Variants in LRP6 observed in about 807,000 individuals in gnomAD.
The protein encoded by LRP6 is low-density lipoprotein receptor-related protein 6.
Under a neutral mutation model 184.1 loss-of-function variants are expected in LRP6, and 43 were observed. The observed-to-expected ratio is 0.23, with a 90% confidence interval of 0.18 to 0.30. The LOEUF (loss-of-function observed/expected upper bound fraction) is 0.30, where lower values mean the gene tolerates loss of function less well. Ranked by LOEUF, LRP6 falls within the 10% of genes least tolerant of loss-of-function variation. The pLI is 1.00. For synonymous variants in LRP6, 719 were observed against 684.9 expected (o/e 1.05, Z -0.78); for missense variants, 1,571 against 2,005.3 (o/e 0.78, Z 4.14).
chr12:12,171,066 C>G (rs988304281), intron 7 of LRP6, among the ~76,000 whole-genome samples: 6 of 152,100 alleles, frequency 3.9e-5, no homozygotes, highest in African/African-American at 1.5e-4. Flanking sequence ...CAGCCATGTA[C>G]TAACAATGGT....
chr12:12,139,250 T>C (rs965984457), intron 15 of LRP6, among the ~76,000 whole-genome samples: 2 of 152,202 alleles, frequency 1.3e-5, no homozygotes, highest in African/African-American at 4.8e-5. Flanking sequence ...AGCTGATATT[T>C]TGGAAGTATC....
At chr12:12,170,796 C>T in intron 7 of LRP6, among the ~76,000 whole-genome samples, 1 of 69,060 alleles carries the variant, frequency 1.4e-5, no homozygotes, top group Admixed American at 1.5e-4. Context: ...TTACTTCACA[C>T]ACACACACAC....
At chr12:12,213,054 C>G (rs939028761) in intron 2 of LRP6, among the ~76,000 whole-genome samples, 2 of 152,136 alleles carry the variant, frequency 1.3e-5, no homozygotes, top group Non-Finnish European at 2.9e-5. Flanking sequence ...TGGGAAGAAA[C>G]TGGTTTCATC....
chr12:12,207,554 T>A (rs965721321), intron 2 of LRP6, among the ~76,000 whole-genome samples: 1 of 151,894 alleles, frequency 6.6e-6, no homozygotes, highest in Non-Finnish European at 1.5e-5. Context: ...TAATAACGCT[T>A]TCAGTGGCAG....
intron 7 of LRP6, among the ~76,000 whole-genome samples, chr12:12,169,111 C>T (rs927864655): frequency 1.3e-5 from 2 of 151,932 alleles, no homozygotes; most frequent in Non-Finnish European, 2.9e-5. Context: ...CGCCTGTAAT[C>T]CCAGCTACTT....
intron 22 of LRP6, among the ~76,000 whole-genome samples, chr12:12,123,731 A>C (rs1245892872): frequency 6.6e-6 from 1 of 152,224 alleles, no homozygotes; most frequent in Non-Finnish European, 1.5e-5. Context: ...ATTAGCAAAA[A>C]GGAATAATTT....
chr12:12,215,121 G>A (rs1864307615), intron 2 of LRP6, among the ~76,000 whole-genome samples: 3 of 152,188 alleles, frequency 2.0e-5, no homozygotes, highest in Admixed American at 1.3e-4. Context: ...GCAGTGAGCA[G>A]CATGACCTAG....
chr12:12,164,374 T>G lies in LRP6; in HGVS notation c.1951A>C (p.Asn651His). The G allele has an allele frequency of 6.2e-7, 1 of 1,614,206 alleles. No individual in the cohort carries two copies. The highest frequency in any genetic ancestry group is 8.5e-7 in the Non-Finnish European group (1 of 1,180,034). ...DIRRISLETNNNNVAIPLTGV... is the reference protein window; with the variant it reads ...DIRRISLETNHNNVAIPLTGV... ...GTGAGTGGAATAGCCACATTATTAT[T>G]GTTTGTTTCCAGAGAAATTCGTCTG... The change falls in exon 9 of 23, where the codon AAT becomes CAT. Residue 651 changes from asparagine (N) to histidine (H), a missense_variant. Physicochemically the swap from Asn to His is moderately conservative, Grantham distance 68. Around this residue, in one of 4 missense-constraint regions of LRP6, gnomAD observed 640 missense variants for 851.9 expected, o/e 0.75. Coordinates refer to ENST00000261349, the MANE Select transcript of LRP6 (RefSeq NM_002336.3).
At position 12,149,090 on chromosome 12, in the gene LRP6, T is replaced by A; in HGVS notation, c.3058A>T (p.Ser1020Cys). 1 of 1,614,064 alleles carries A rather than the reference T, an allele frequency of 6.2e-7. No individual in the cohort carries two copies. Among genetic ancestry groups the A allele is most frequent in the South Asian group, 1.1e-5 (1 of 91,066 alleles). The change falls in exon 14 of 23, where the codon AGC (serine) becomes TGC (cysteine). Residue 1020 changes from serine to cysteine, a missense_variant. By Grantham distance (112) the Ser-to-Cys change is moderately radical (BLOSUM62 -1). Around this residue, in one of 4 missense-constraint regions of LRP6, gnomAD observed 763 missense variants for 859.5 expected, o/e 0.89. Transcript: ENST00000261349. The stretch of plus-strand genomic sequence containing the variant: ...ATGTAGCGGCTGTAAATATCAATGC[T>A]GAGGTCATAGGGTTGTATTTCCAGG... ...QNLEIQPYDL[S>C]IDIYSRYIYW...
At chr12:12,231,698 G>C (rs1250777141) in intron 2 of LRP6, among the ~76,000 whole-genome samples, 1 of 148,770 alleles carries the variant, frequency 6.7e-6, no homozygotes, top group East Asian at 2.0e-4. Context: ...TTTTTGTTTT[G>C]TTTTTGTTTA....
intron 2 of LRP6, among the ~76,000 whole-genome samples, chr12:12,210,072 A>G (rs549271961): frequency 3.3e-5 from 5 of 152,360 alleles, no homozygotes; most frequent in African/African-American, 1.2e-4. Flanking sequence ...GAGCTGTAGC[A>G]TATCGTGAGG....
At chr12:12,263,512 A>G (rs990933913) in intron 1 of LRP6, among the ~76,000 whole-genome samples, 5 of 149,002 alleles carry the variant, frequency 3.4e-5, no homozygotes, top group Admixed American at 2.7e-4. Context: ...GATCACACCA[A>G]TGCACTCCAG....
chr12:12,120,280 G>T lies in LRP6; in HGVS notation c.*846C>A, dbSNP rs1263500867. 6.6e-6 allele frequency: 1 copy of T among 151,814 alleles called. No homozygotes were observed. Among genetic ancestry groups the T allele is most frequent in the Non-Finnish European group, 1.5e-5 (1 of 67,956 alleles). The allele number at this position is 151,814 out of a possible 1,614,324, so 9.4% of individuals were successfully genotyped here. Reference sequence around the variant, plus strand: ...AGCCTACTGGGGAATGGAGCTAGAAGAAATATTAAAATCAAGTTTAATTTA... The same window carrying T: ...AGCCTACTGGGGAATGGAGCTAGAATAAATATTAAAATCAAGTTTAATTTA... On this transcript the variant is annotated 3_prime_UTR_variant, in exon 23 of 23. Coordinates refer to ENST00000261349, the MANE Select transcript of LRP6 (RefSeq NM_002336.3).
chr12:12,247,865 A>C (rs1330160656), intron 1 of LRP6, among the ~76,000 whole-genome samples: 1 of 152,116 alleles, frequency 6.6e-6, no homozygotes, highest in African/African-American at 2.4e-5. Context: ...ACTTCTCTTC[A>C]GTGGAACACT....
intron 7 of LRP6, among the ~76,000 whole-genome samples, chr12:12,171,337 A>G (rs542194171): frequency 6.6e-6 from 1 of 152,104 alleles, no homozygotes; most frequent in Non-Finnish European, 1.5e-5. Context: ...TAACATGGTG[A>G]AACTCCATCT....
At chr12:12,218,593 C>T (rs1463623471) in intron 2 of LRP6, among the ~76,000 whole-genome samples, 1 of 151,868 alleles carries the variant, frequency 6.6e-6, no homozygotes, top group African/African-American at 2.4e-5. Flanking sequence ...TGTTCAACAT[C>T]AGTCAGTAAG....
At chr12:12,186,590 G>C (rs145646746) in intron 4 of LRP6, among the ~76,000 whole-genome samples, 383 of 151,634 alleles carry the variant, frequency 2.5e-3, no homozygotes, top group Non-Finnish European at 4.5e-3. Flanking sequence ...AGGTTGGCCA[G>C]GCTGGTCTCA....
chr12:12,225,955 G>T (rs1424852572), intron 2 of LRP6, among the ~76,000 whole-genome samples: 1 of 151,760 alleles, frequency 6.6e-6, no homozygotes, highest in Admixed American at 6.6e-5. Context: ...TATAGTACTG[G>T]TAAGGTCTGC....
At chr12:12,261,891 C>T (rs1423831697) in intron 1 of LRP6, among the ~76,000 whole-genome samples, 1 of 152,084 alleles carries the variant, frequency 6.6e-6, no homozygotes, top group Admixed American at 6.6e-5. Context: ...CAATATTTAC[C>T]AGCCCACCAA....
Sources: allele counts gnomAD v4.1 joint callset (sites outside exome capture counted in the v4.1 genomes callset), GRCh38; gene constraint gnomAD v4.1.1; regional missense constraint gnomAD v4.1.1; transcripts MANE v1.5; gene names NCBI Gene and HGNC (gene_info 2026-07-23, HGNC 2026-07-21).